Variants in PRKCA observed in about 807,000 individuals in gnomAD.
PRKCA encodes the protein protein kinase C alpha, also known as protein kinase C alpha type.
In PRKCA, 27 loss-of-function variants were observed where a neutral mutation model predicts 87.0. That is an observed-to-expected ratio of 0.31 (90% CI 0.23 to 0.43). The LOEUF is 0.43. Among genes scored for constraint, PRKCA ranks in the 20% least tolerant of loss-of-function variants. PRKCA has a pLI of 1.00. For synonymous variants in PRKCA, 329 were observed against 311.1 expected, an observed-to-expected ratio of 1.06 and a Z score of -0.61; for missense variants, 518 against 852.3, an observed-to-expected ratio of 0.61 and a Z score of 4.88.
intron 3 of PRKCA, among the ~76,000 whole-genome samples, chr17:66,609,301 G>A (rs1430381546): frequency 6.6e-6 from 1 of 152,068 alleles, no homozygotes; most frequent in Non-Finnish European, 1.5e-5. Flanking sequence ...TAGGTTACGG[G>A]GCTACTACTT....
At chr17:66,786,243 G>A (rs899248668) in intron 14 of PRKCA, among the ~76,000 whole-genome samples, 4 of 152,196 alleles carry the variant, frequency 2.6e-5, no homozygotes, top group Admixed American at 6.5e-5. Context: ...AAGGTCCCAC[G>A]GGGCCACCGT....
At chr17:66,543,510 A>G (rs1968054786) in intron 3 of PRKCA, among the ~76,000 whole-genome samples, 1 of 152,208 alleles carries the variant, frequency 6.6e-6, no homozygotes, top group Non-Finnish European at 1.5e-5. Flanking sequence ...GCTTGAAACA[A>G]TTACATTCTT....
intron 4 of PRKCA, among the ~76,000 whole-genome samples, chr17:66,645,176 G>A (rs1343556922): frequency 6.6e-6 from 1 of 152,162 alleles, no homozygotes; most frequent in Non-Finnish European, 1.5e-5. Context: ...AGCAAATATG[G>A]TATGAGTATT....
intron 13 of PRKCA, among the ~76,000 whole-genome samples, chr17:66,765,433 TATATATATATATATATATATATCC>T (rs1255266387): frequency 1.5e-5 from 2 of 132,720 alleles, no homozygotes; most frequent in Non-Finnish European, 3.2e-5. Context: ...TATATATATA[TATATATATATATATATATATATCC>T]ATATATATAC....
chr17:66,741,263 T>C (rs768317469), intron 11 of PRKCA, among the ~76,000 whole-genome samples: 1 of 152,202 alleles, frequency 6.6e-6, no homozygotes, highest in Non-Finnish European at 1.5e-5. Flanking sequence ...AGGGAGTAAT[T>C]GTATTGTATT....
At chr17:66,560,198 A>G (rs1040710715) in intron 3 of PRKCA, among the ~76,000 whole-genome samples, 72 of 152,148 alleles carry the variant, frequency 4.7e-4, no homozygotes, top group Middle Eastern at 3.4e-3. Context: ...GGGCAGTTGT[A>G]TTTCACGTGC....
At chr17:66,502,529 C>G (rs930937908) in intron 3 of PRKCA, among the ~76,000 whole-genome samples, 1 of 152,074 alleles carries the variant, frequency 6.6e-6, no homozygotes, top group Non-Finnish European at 1.5e-5. Context: ...GCCACTGTGT[C>G]TGGCCCTTTT....
At chr17:66,434,618 C>T (rs546362948) in intron 2 of PRKCA, among the ~76,000 whole-genome samples, 1 of 148,740 alleles carries the variant, frequency 6.7e-6, no homozygotes, top group East Asian at 2.0e-4. Flanking sequence ...AAGCACAGAG[C>T]CAGATGTGTA....
chr17:66,483,775 T>G (rs1232593476), intron 2 of PRKCA, among the ~76,000 whole-genome samples: 2 of 152,054 alleles, frequency 1.3e-5, no homozygotes, highest in Non-Finnish European at 2.9e-5. Flanking sequence ...TTCCCTTTTT[T>G]GTAAGGATGC....
At chr17:66,724,410 T>C (rs1452188106) in intron 8 of PRKCA, among the ~76,000 whole-genome samples, 1 of 152,150 alleles carries the variant, frequency 6.6e-6, no homozygotes, top group Non-Finnish European at 1.5e-5. Flanking sequence ...CATGGGGGTC[T>C]CCAGCCTGTG....
intron 3 of PRKCA, among the ~76,000 whole-genome samples, chr17:66,537,629 G>A (rs951997318): frequency 2.0e-5 from 3 of 152,214 alleles, no homozygotes; most frequent in African/African-American, 7.2e-5. Flanking sequence ...TTTAGCATAT[G>A]TTTAAGACTT....
At chr17:66,519,875 G>A (rs1967099760) in intron 3 of PRKCA, among the ~76,000 whole-genome samples, 1 of 152,198 alleles carries the variant, frequency 6.6e-6, no homozygotes, top group South Asian at 2.1e-4. Flanking sequence ...TGTTTCTGGG[G>A]CCAAGATTAC....
chr17:66,715,811 T>A (rs1973459121), intron 8 of PRKCA, among the ~76,000 whole-genome samples: 1 of 152,086 alleles, frequency 6.6e-6, no homozygotes, highest in Admixed American at 6.5e-5. Context: ...GGACTTCACC[T>A]CGGTAAGGCA....
At chr17:66,423,421 G>A (rs192483950) in intron 2 of PRKCA, among the ~76,000 whole-genome samples, 2 of 152,268 alleles carry the variant, frequency 1.3e-5, no homozygotes, top group African/African-American at 2.4e-5. Flanking sequence ...ATTCAGAGAG[G>A]TTGGACTCAA....
intron 13 of PRKCA, among the ~76,000 whole-genome samples, chr17:66,768,103 C>T (rs1226447693): frequency 6.6e-6 from 1 of 152,088 alleles, no homozygotes; most frequent in African/African-American, 2.4e-5. Context: ...GCCACCGGAC[C>T]CAGCTAATTT....
chr17:66,468,551 T>C (rs1471320007), intron 2 of PRKCA, among the ~76,000 whole-genome samples: 1 of 152,216 alleles, frequency 6.6e-6, no homozygotes, highest in Non-Finnish European at 1.5e-5. Context: ...CCTTCTGTTT[T>C]TGCCTCTTGT....
intron 3 of PRKCA, among the ~76,000 whole-genome samples, chr17:66,575,677 C>G (rs1283793451): frequency 6.6e-6 from 1 of 152,216 alleles, no homozygotes; most frequent in Non-Finnish European, 1.5e-5. Flanking sequence ...ACCACACATA[C>G]AGGGATTACT....
intron 3 of PRKCA, among the ~76,000 whole-genome samples, chr17:66,516,527 G>A (rs1033052312): frequency 6.6e-6 from 1 of 152,034 alleles, no homozygotes; most frequent in African/African-American, 2.4e-5. Context: ...CAGCTACTTG[G>A]GAGGTTGAGG....
At chr17:66,487,216 G>A (rs1314563242) in intron 2 of PRKCA, among the ~76,000 whole-genome samples, 4 of 151,820 alleles carry the variant, frequency 2.6e-5, no homozygotes, top group Admixed American at 6.6e-5. Flanking sequence ...GCCTCTACTC[G>A]TTACCTCTGT....
Sources: gnomAD v4.1 joint callset for allele counts (sites outside exome capture counted in the v4.1 genomes callset) on GRCh38, gnomAD v4.1.1 for gene constraint, MANE v1.5 for transcripts, NCBI Gene and HGNC (gene_info 2026-07-23, HGNC 2026-07-21) for gene names.